COPG2: variants seen among roughly 807,000 people sequenced by gnomAD.
COPG2 encodes coat protein complex I subunit gamma 2.
A neutral mutation model predicts 46.3 loss-of-function variants in COPG2; 37 were observed. The ratio of observed to expected loss-of-function variants is 0.80; its 90% CI spans 0.61 to 1.05. The LOEUF is 1.05. Ranked by LOEUF, COPG2 falls within the 50% of genes least tolerant of loss-of-function variation. COPG2 has a pLI of 0.00. For missense variants in COPG2, 427 were observed against 387.8 expected (o/e 1.10, Z -0.85); for synonymous variants, 159 against 129.7 (o/e 1.23, Z -1.53).
intron 9 of COPG2, among the ~76,000 whole-genome samples, chr7:130,585,438 A>C (rs1234792753): frequency 6.6e-6 from 1 of 152,112 alleles, no homozygotes; most frequent in East Asian, 1.9e-4. Context: ...ACCCAAAAGC[A>C]AATGCAATAA....
At position 130,631,172 on chromosome 7, in the gene COPG2, CTTTTTTTTTTTTTT is replaced by C. The variant is rs55966949; in HGVS notation, c.324-14121_324-14108del. 2.9e-5 allele frequency among the ~76,000 whole-genome samples: 3 copies of C among 102,338 alleles called. No homozygotes were observed. In the Admixed American group the frequency reaches 3.0e-4, roughly 10 times the overall value. The allele number at this position is 102,338 out of a possible 152,430, so 67.1% of individuals were successfully genotyped here. On this transcript the variant is annotated intron_variant, in intron 5 of 23. Coordinates refer to ENST00000425248, the MANE Select transcript of COPG2 (RefSeq NM_012133.6). ...TTTTGTTCCCTTTTCTTTTTCTTTT[CTTTTTTTTTTTTTT>C]TTTGAGATGGAGACTTGCTCTGTCA...
In COPG2 at chr7:130,612,206, C is replaced by T. The variant is rs782153116; in HGVS notation, c.525G>A (p.Lys175=). 4 of 1,609,326 alleles carry T rather than the reference C, an allele frequency of 2.5e-6. No homozygotes were observed. Among genetic ancestry groups the T allele is most frequent in the Non-Finnish European group, 3.4e-6 (4 of 1,178,240 alleles). ...CTTCTTGGGCTTCATTGATCCAGCG[C>T]TTAACCACATCATAGCTTATCTTCA... ...HMMKISYDVV[K]RWINEAQEAA... The change falls in exon 8 of 24, where the codon AAG becomes AAA. Residue 175 remains lysine (K), a synonymous_variant. Coordinates refer to ENST00000425248, the MANE Select transcript of COPG2 (RefSeq NM_012133.6).
chr7:130,557,290 T>G (rs1056621200), intron 12 of COPG2, among the ~76,000 whole-genome samples: 4 of 152,172 alleles, frequency 2.6e-5, no homozygotes, highest in Non-Finnish European at 5.9e-5. Context: ...AATAAGCATT[T>G]TAAAACCATT....
At chr7:130,650,473 T>A (rs1408526216) in intron 5 of COPG2, among the ~76,000 whole-genome samples, 1 of 152,242 alleles carries the variant, frequency 6.6e-6, no homozygotes, top group East Asian at 1.9e-4. Context: ...AGTCAACAAC[T>A]AATTTATTTT....
intron 5 of COPG2, among the ~76,000 whole-genome samples, chr7:130,624,462 G>T (rs1795085894): frequency 6.6e-6 from 1 of 151,758 alleles, no homozygotes; most frequent in Non-Finnish European, 1.5e-5. Context: ...GGTGGTTTTT[G>T]GTTACATAGA....
At chr7:130,621,001 G>A (rs924459645) in intron 5 of COPG2, among the ~76,000 whole-genome samples, 9 of 152,286 alleles carry the variant, frequency 5.9e-5, no homozygotes, top group Admixed American at 2.6e-4. Flanking sequence ...CTGAGATGGG[G>A]AAATTATATT....
intron 20 of COPG2, among the ~76,000 whole-genome samples, chr7:130,529,062 G>C (rs898604759): frequency 1.2e-3 from 185 of 152,286 alleles, no homozygotes; most frequent in African/African-American, 4.2e-3. Context: ...TGAAATGTCA[G>C]GTGGATTGAC....
intron 4 of COPG2, among the ~76,000 whole-genome samples, chr7:130,661,719 C>G (rs782771094): frequency 6.6e-6 from 1 of 152,052 alleles, no homozygotes; most frequent in Non-Finnish European, 1.5e-5. Flanking sequence ...TAGTGGATGC[C>G]ATAGAAGATT....
chr7:130,518,377 A>T (rs893654849), intron 20 of COPG2, among the ~76,000 whole-genome samples: 5 of 152,212 alleles, frequency 3.3e-5, no homozygotes, highest in African/African-American at 7.2e-5. Context: ...GTGAATCTTG[A>T]TTCAAAGCCA....
chr7:130,662,753 T>C (rs1237784082), intron 4 of COPG2, among the ~76,000 whole-genome samples: 1 of 152,222 alleles, frequency 6.6e-6, no homozygotes, highest in Non-Finnish European at 1.5e-5. Flanking sequence ...ACAGTCTTTA[T>C]GACTTCACGG....
At chr7:130,526,691 A>C (rs1050829480) in intron 20 of COPG2, among the ~76,000 whole-genome samples, 2 of 151,808 alleles carry the variant, frequency 1.3e-5, no homozygotes, top group Non-Finnish European at 2.9e-5. Flanking sequence ...AAGGTTCAGC[A>C]TGGGGAAGGG....
chr7:130,515,107 C>G (rs1482153212), intron 20 of COPG2, among the ~76,000 whole-genome samples: 3 of 152,234 alleles, frequency 2.0e-5, no homozygotes, highest in African/African-American at 7.2e-5. Context: ...GAATTCTTTT[C>G]CCCTCCCCCA....
intron 4 of COPG2, among the ~76,000 whole-genome samples, chr7:130,658,106 A>G (rs1340205129): frequency 6.6e-6 from 1 of 152,244 alleles, no homozygotes; most frequent in Non-Finnish European, 1.5e-5. Flanking sequence ...TGTTTATAGC[A>G]ATGTTGTTTA....
intron 5 of COPG2, 97 bp from the exon 6 acceptor site, chr7:130,617,162 T>A: frequency 1.6e-6 from 1 of 622,760 alleles, no homozygotes; most frequent in African/African-American, 1.9e-5. Context: ...ATTATCTTAA[T>A]GCAGCTACTA....
intron 20 of COPG2, among the ~76,000 whole-genome samples, chr7:130,523,668 C>A (rs992378543): frequency 1.1e-4 from 17 of 152,130 alleles, no homozygotes; most frequent in African/African-American, 2.4e-5. Context: ...CGCCTCGGTC[C>A]CAGACTCAAG....
At chr7:130,510,438 A>C (rs1226016450) in intron 20 of COPG2, among the ~76,000 whole-genome samples, 1 of 152,192 alleles carries the variant, frequency 6.6e-6, no homozygotes, top group African/African-American at 2.4e-5. Flanking sequence ...GAGATACAGA[A>C]TATGGTAGGG....
At chr7:130,591,666 C>T (rs1479361052) in intron 9 of COPG2, among the ~76,000 whole-genome samples, 8 of 148,658 alleles carry the variant, frequency 5.4e-5, no homozygotes, top group Admixed American at 2.0e-4. Flanking sequence ...TCTGCCCGGC[C>T]GCCCCTACTG....
At chr7:130,513,257 C>T (rs1799625810) in intron 20 of COPG2, among the ~76,000 whole-genome samples, 1 of 133,754 alleles carries the variant, frequency 7.5e-6, no homozygotes, top group Admixed American at 8.2e-5. Flanking sequence ...CACTGCACTC[C>T]AGCCTGGGTG....
intron 9 of COPG2, chr7:130,610,180 T>C: frequency 2.1e-6 from 1 of 474,110 alleles, no homozygotes; most frequent in South Asian, 1.6e-5. Flanking sequence ...ATGTAACTAA[T>C]ACTTATCATT....
Sources: gnomAD v4.1 joint callset for allele counts (sites outside exome capture counted in the v4.1 genomes callset) on GRCh38, gnomAD v4.1.1 for gene constraint, MANE v1.5 for transcripts, NCBI Gene and HGNC (gene_info 2026-07-23, HGNC 2026-07-21) for gene names.